The following ATG10 variants were observed in gnomAD, a reference collection of about 807,000 sequenced individuals.
ATG10 encodes the protein autophagy related 10, also known as ubiquitin-like-conjugating enzyme ATG10.
ATG10 carries 30 observed loss-of-function variants against 32.1 expected under a neutral mutation model. That is an observed-to-expected ratio of 0.94 (90% CI 0.70 to 1.27). The LOEUF is 1.27. ATG10 is among the 50% of genes most tolerant of loss of function. The probability of loss-of-function intolerance (pLI) is 0.00; values close to 1 mark genes in which losing one functional copy is unlikely to be tolerated. For synonymous variants in ATG10, 87 were observed against 91.5 expected (o/e 0.95, Z 0.28); for missense variants, 233 against 262.3 (o/e 0.89, Z 0.77).
intron 3 of ATG10, among the ~76,000 whole-genome samples, chr5:82,136,245 T>C (rs1208347103): frequency 6.6e-6 from 1 of 152,222 alleles, no homozygotes; most frequent in Non-Finnish European, 1.5e-5. Context: ...AATATTGTTA[T>C]ATGTGAATTT....
At chr5:81,987,499 G>A (rs1761320472) in intron 1 of ATG10, 60 bp from the exon 2 acceptor site, 1 of 1,218,650 alleles carries the variant, frequency 8.2e-7, no homozygotes, top group South Asian at 1.5e-5. Context: ...AAATCAATTG[G>A]CAGAATTCCT....
chr5:82,061,245 GA>G (rs1365264544), intron 3 of ATG10, among the ~76,000 whole-genome samples: 3 of 151,974 alleles, frequency 2.0e-5, no homozygotes, highest in Admixed American at 6.6e-5. Flanking sequence ...CTCTATAGCA[GA>G]AACAGTAATT....
At chr5:82,020,704 A>T (rs528446009) in intron 2 of ATG10, among the ~76,000 whole-genome samples, 7 of 152,244 alleles carry the variant, frequency 4.6e-5, no homozygotes, top group Admixed American at 3.9e-4. Context: ...GCTTGTTCTC[A>T]TGGTGGTGGT....
intron 3 of ATG10, among the ~76,000 whole-genome samples, chr5:82,156,076 A>C (rs1258460873): frequency 6.6e-6 from 1 of 151,924 alleles, no homozygotes; most frequent in Non-Finnish European, 1.5e-5. Flanking sequence ...TGGGGCAATA[A>C]ACTGGGAGTG....
intron 3 of ATG10, among the ~76,000 whole-genome samples, chr5:82,060,631 A>T (rs1763734860): frequency 6.6e-6 from 1 of 152,210 alleles, no homozygotes; most frequent in African/African-American, 2.4e-5. Context: ...TGAAAGGCCG[A>T]GGCAGGCGGA....
chr5:82,061,783 T>C (rs1003555200), intron 3 of ATG10, among the ~76,000 whole-genome samples: 4 of 146,212 alleles, frequency 2.7e-5, no homozygotes, highest in East Asian at 2.0e-4. Flanking sequence ...TGTACACATA[T>C]ATATATATAC....
chr5:82,254,608 AC>A lies in ATG10; in HGVS notation c.*546del, dbSNP rs1045881612. 1.1e-4 allele frequency: 16 copies of A among 151,952 alleles called. No homozygotes were observed. The highest frequency in any genetic ancestry group is 3.4e-4 in the African/African-American group (14 of 41,388). 9.4% of individuals were successfully genotyped at this position (151,952 alleles called of 1,614,324 possible). On this transcript the variant is annotated 3_prime_UTR_variant, in exon 8 of 8. Coordinates refer to ENST00000282185, the MANE Select transcript of ATG10 (RefSeq NM_031482.5). The stretch of plus-strand genomic sequence containing the variant: ...ACACATCACTATAAATAGCAAAAAA[AC>A]AAATCTAACTTATTAATACTAGGAA...
At chr5:82,010,148 T>G (rs1762090916) in intron 2 of ATG10, 15 of 1,402,916 alleles carry the variant, frequency 1.1e-5, no homozygotes, top group Non-Finnish European at 1.5e-5. Context: ...CGCTTTCTTA[T>G]ATTTCTTGTC....
rs140835863 is a variant in ATG10 at position 82,076,812 on chromosome 5, C to T, written c.216+18210C>T. ...TAATATGTTAAATATGTGAAGAGTA[C>T]TCAGTGGTCCTTTTTCCTTATAAAT... On this transcript the variant is annotated intron_variant, in intron 3 of 7. Transcript: ENST00000282185. Among the ~76,000 whole-genome samples, 13 of 152,258 alleles carry T rather than the reference C, an allele frequency of 8.5e-5. No individual in the cohort carries two copies. In the East Asian group the frequency reaches 2.5e-3, roughly 29 times the overall value.
At position 82,190,537 on chromosome 5, in the gene ATG10, C is replaced by T. The variant is rs571176265; in HGVS notation, c.453+11950C>T. ...CCTGTAATCCTAGCACTTTGGGAGG[C>T]CGAGGTGGGCGGATCACGAGGTCAA... On this transcript the variant is annotated intron_variant, in intron 5 of 7. Transcript: ENST00000282185. 1.6e-3 allele frequency among the ~76,000 whole-genome samples: 237 copies of T among 151,860 alleles called. 2 individuals are homozygous for T. Among genetic ancestry groups the T allele is most frequent in the African/African-American group, 5.3e-3 (221 of 41,462 alleles).
chr5:82,035,446 A>T (rs1231400546), intron 2 of ATG10, among the ~76,000 whole-genome samples: 2 of 152,190 alleles, frequency 1.3e-5, no homozygotes, highest in Non-Finnish European at 2.9e-5. Context: ...GAAATTGGAG[A>T]GCATTTCCCT....
At chr5:82,240,269 TAA>T (rs1173684647) in intron 5 of ATG10, among the ~76,000 whole-genome samples, 3 of 152,146 alleles carry the variant, frequency 2.0e-5, no homozygotes, top group Admixed American at 2.0e-4. Flanking sequence ...AAAATCAACC[TAA>T]GTGTCCATAA....
intron 2 of ATG10, among the ~76,000 whole-genome samples, chr5:82,033,992 GTATA>G (rs1390561376): frequency 2.1e-5 from 3 of 145,858 alleles, no homozygotes; most frequent in Admixed American, 1.4e-4. Flanking sequence ...CATGTATATA[GTATA>G]TATGTATATA....
At chr5:81,983,549 C>T (rs1278367008) in intron 1 of ATG10, among the ~76,000 whole-genome samples, 5 of 147,830 alleles carry the variant, frequency 3.4e-5, no homozygotes, top group South Asian at 4.3e-4. Context: ...GGGCCGCTGG[C>T]CGGGCAGAGG....
intron 4 of ATG10, among the ~76,000 whole-genome samples, chr5:82,172,448 G>C (rs1743844485): frequency 6.6e-6 from 1 of 152,076 alleles, no homozygotes; most frequent in African/African-American, 2.4e-5. Flanking sequence ...GAGTTTCGAG[G>C]ATCCTGAGCT....
At chr5:82,079,607 C>T (rs1764403922) in intron 3 of ATG10, among the ~76,000 whole-genome samples, 1 of 151,846 alleles carries the variant, frequency 6.6e-6, no homozygotes, top group African/African-American at 2.4e-5. Context: ...TGAGTGAGAA[C>T]ATGCGGTGTT....
intron 5 of ATG10, among the ~76,000 whole-genome samples, chr5:82,221,101 C>T (rs1745908826): frequency 6.6e-6 from 1 of 152,120 alleles, no homozygotes; most frequent in Non-Finnish European, 1.5e-5. Flanking sequence ...TGTTTATTGA[C>T]TTCAGGCCTT....
chr5:82,175,081 T>C (rs1743960959), intron 4 of ATG10, among the ~76,000 whole-genome samples: 1 of 152,198 alleles, frequency 6.6e-6, no homozygotes, highest in Non-Finnish European at 1.5e-5. Flanking sequence ...TGCACTGTTA[T>C]ATTACCAATT....
intron 2 of ATG10, among the ~76,000 whole-genome samples, chr5:82,045,690 G>A (rs1763214512): frequency 1.3e-5 from 2 of 152,068 alleles, no homozygotes; most frequent in Non-Finnish European, 2.9e-5. Flanking sequence ...GACTAGGAGG[G>A]CAGAGATTGT....
Sources: gnomAD v4.1 joint callset for allele counts (sites outside exome capture counted in the v4.1 genomes callset) on GRCh38, gnomAD v4.1.1 for gene constraint, MANE v1.5 for transcripts, NCBI Gene and HGNC (gene_info 2026-07-23, HGNC 2026-07-21) for gene names.